Variants in CHST8 observed in about 807,000 individuals in gnomAD.
The protein encoded by CHST8 is GALNAC-4-ST1.
In CHST8, 10 loss-of-function variants were observed where a neutral mutation model predicts 15.0. The ratio of observed to expected loss-of-function variants is 0.67; its 90% CI spans 0.41 to 1.13. CHST8 has a LOEUF of 1.13. CHST8 is among the 50% of genes most tolerant of loss of function. The pLI is 0.00. For missense variants in CHST8, 634 were observed against 608.2 expected, an observed-to-expected ratio of 1.04 and a Z score of -0.45; for synonymous variants, 259 against 256.6, an observed-to-expected ratio of 1.01 and a Z score of -0.09.
At chr19:33,640,136 C>T (rs553890985) in intron 1 of CHST8, among the ~76,000 whole-genome samples, 3 of 152,308 alleles carry the variant, frequency 2.0e-5, no homozygotes, top group African/African-American at 7.2e-5. Flanking sequence ...GCCACTGCGC[C>T]CAGCAAAGCA....
intron 1 of CHST8, among the ~76,000 whole-genome samples, chr19:33,661,383 T>G (rs1216558922): frequency 6.6e-6 from 1 of 152,198 alleles, no homozygotes; most frequent in Non-Finnish European, 1.5e-5. Context: ...GAACTGAGGT[T>G]GAGCTCATGT....
intron 3 of CHST8, among the ~76,000 whole-genome samples, chr19:33,733,589 T>G (rs1974032300): frequency 6.6e-6 from 1 of 152,218 alleles, no homozygotes; most frequent in East Asian, 1.9e-4. Context: ...CCTTGTAAAG[T>G]GCAACTTTCA....
chr19:33,715,222 G>A (rs968995994), intron 3 of CHST8, among the ~76,000 whole-genome samples: 5 of 152,194 alleles, frequency 3.3e-5, no homozygotes, highest in African/African-American at 4.8e-5. Flanking sequence ...CAAGGTCATG[G>A]ACGTGTGTGA....
intron 1 of CHST8, among the ~76,000 whole-genome samples, chr19:33,637,580 T>G (rs1284084500): frequency 6.6e-6 from 1 of 150,968 alleles, no homozygotes; most frequent in Non-Finnish European, 1.5e-5. Flanking sequence ...TTTTTGGTAT[T>G]TTTAGTAGAG....
At chr19:33,767,730 C>T (rs985711710) in intron 3 of CHST8, among the ~76,000 whole-genome samples, 4 of 152,108 alleles carry the variant, frequency 2.6e-5, no homozygotes, top group Non-Finnish European at 5.9e-5. Flanking sequence ...ACTCAAGACA[C>T]CGAAAGTGGG....
intron 1 of CHST8, among the ~76,000 whole-genome samples, chr19:33,652,372 C>CTTTTTT (rs971053736): frequency 2.3e-4 from 23 of 100,566 alleles, no homozygotes; most frequent in African/African-American, 3.8e-4. Flanking sequence ...TTTTCTCTCT[C>CTTTTTT]TTTTTTTTTT....
chr19:33,672,411 T>A (rs955337574), intron 2 of CHST8, among the ~76,000 whole-genome samples: 3 of 152,154 alleles, frequency 2.0e-5, no homozygotes, highest in African/African-American at 7.2e-5. Context: ...TTGGCCAGGC[T>A]GGTCTCAAAC....
At chr19:33,664,781 C>A (rs1475238689) in intron 1 of CHST8, among the ~76,000 whole-genome samples, 1 of 152,054 alleles carries the variant, frequency 6.6e-6, no homozygotes, top group Non-Finnish European at 1.5e-5. Context: ...CTGGTTACTG[C>A]CAATCTTGTC....
intron 3 of CHST8, among the ~76,000 whole-genome samples, chr19:33,715,454 A>G (rs920768036): frequency 1.3e-5 from 2 of 152,208 alleles, no homozygotes; most frequent in South Asian, 4.1e-4. Context: ...ACCTTGAGAG[A>G]CAACTTGATA....
intron 1 of CHST8, among the ~76,000 whole-genome samples, chr19:33,627,394 G>A (rs1243250691): frequency 2.0e-5 from 3 of 152,040 alleles, no homozygotes; most frequent in Admixed American, 1.3e-4. Flanking sequence ...TTATAGGCGT[G>A]AGCCAGCACG....
At chr19:33,735,871 A>G (rs1441001713) in intron 3 of CHST8, among the ~76,000 whole-genome samples, 1 of 152,240 alleles carries the variant, frequency 6.6e-6, no homozygotes, top group African/African-American at 2.4e-5. Context: ...ACCTTTTACC[A>G]GAAGGCTTGC....
At chr19:33,668,706 T>C (rs1972695819) in intron 2 of CHST8, among the ~76,000 whole-genome samples, 2 of 152,108 alleles carry the variant, frequency 1.3e-5, no homozygotes, top group Non-Finnish European at 1.5e-5. Context: ...ATTTTTATAA[T>C]CAAATGATAG....
At chr19:33,715,463 T>G (rs1214467976) in intron 3 of CHST8, among the ~76,000 whole-genome samples, 1 of 152,174 alleles carries the variant, frequency 6.6e-6, no homozygotes, top group Non-Finnish European at 1.5e-5. Flanking sequence ...GACAACTTGA[T>G]AGGATAGTAA....
intron 2 of CHST8, among the ~76,000 whole-genome samples, chr19:33,679,579 T>C (rs1209128946): frequency 1.3e-5 from 2 of 152,236 alleles, no homozygotes; most frequent in African/African-American, 4.8e-5. Flanking sequence ...TTTCTGCGTG[T>C]TCCTCTGGAG....
At chr19:33,748,408 G>A (rs747929380) in intron 3 of CHST8, among the ~76,000 whole-genome samples, 4 of 152,256 alleles carry the variant, frequency 2.6e-5, no homozygotes, top group Non-Finnish European at 5.9e-5. Context: ...ATCACACAGG[G>A]CTACCCGCTC....
intron 3 of CHST8, among the ~76,000 whole-genome samples, chr19:33,719,544 G>A (rs284670): frequency 0.55 from 82,841 of 151,688 alleles, 23,144 homozygotes; most frequent in East Asian, 0.87. Flanking sequence ...AACCATCCCT[G>A]GAGGTGGCAG....
chr19:33,688,557 G>C (rs986970957), intron 2 of CHST8, among the ~76,000 whole-genome samples: 6 of 152,158 alleles, frequency 3.9e-5, no homozygotes, highest in African/African-American at 1.4e-4. Flanking sequence ...TGACTGTCCA[G>C]AGGGACTGAC....
At chr19:33,634,965 G>C (rs986484630) in intron 1 of CHST8, among the ~76,000 whole-genome samples, 1 of 152,092 alleles carries the variant, frequency 6.6e-6, no homozygotes, top group Admixed American at 6.6e-5. Flanking sequence ...AGCTGCAGCC[G>C]TGCCCCCAGC....
chr19:33,711,332 A>G (rs1230328422), intron 3 of CHST8, among the ~76,000 whole-genome samples: 2 of 152,196 alleles, frequency 1.3e-5, no homozygotes, highest in Non-Finnish European at 2.9e-5. Flanking sequence ...TGACTCAACC[A>G]CAGTGCTGAG....
Sources: gnomAD v4.1 joint callset for allele counts (sites outside exome capture counted in the v4.1 genomes callset) on GRCh38, gnomAD v4.1.1 for gene constraint, MANE v1.5 for transcripts, NCBI Gene and HGNC (gene_info 2026-07-23, HGNC 2026-07-21) for gene names.